ARHGAP35: variants seen among roughly 807,000 people sequenced by gnomAD.
ARHGAP35 encodes the protein Rho GTPase activating protein 35, also known as rho GTPase-activating protein 35.
Under a neutral mutation model 111.1 loss-of-function variants are expected in ARHGAP35, and 15 were observed. The ratio of observed to expected loss-of-function variants is 0.13; its 90% confidence interval spans 0.09 to 0.21. The LOEUF is 0.21. ARHGAP35 is among the 10% of genes least tolerant of loss of function. ARHGAP35 has a pLI of 1.00. For missense variants in ARHGAP35, 1,262 were observed against 1,873.0 expected, an observed-to-expected ratio of 0.67 and a Z score of 6.02; for synonymous variants, 643 against 710.3, an observed-to-expected ratio of 0.91 and a Z score of 1.51.
intron 1 of ARHGAP35, among the ~76,000 whole-genome samples, chr19:46,910,156 A>T (rs1568464974): frequency 1.3e-5 from 2 of 152,194 alleles, no homozygotes. Context: ...ACTGTCACCC[A>T]GGCTACAGTG....
intron 3 of ARHGAP35, among the ~76,000 whole-genome samples, chr19:46,937,986 T>A (rs1251386509): frequency 1.3e-5 from 2 of 152,198 alleles, no homozygotes; most frequent in Non-Finnish European, 2.9e-5. Flanking sequence ...TCTTGGGAAA[T>A]TTTTTTGCAT....
chr19:46,939,372 CATTTATTTATTTATTTATTTATTT>C (rs60855006), intron 3 of ARHGAP35, among the ~76,000 whole-genome samples: 8 of 145,390 alleles, frequency 5.5e-5, no homozygotes, highest in African/African-American at 2.0e-4. Context: ...TGCACCTTTA[CATTTATTTATTTATTTATTTATTT>C]ATTTATTTAT....
rs1388015883 is a variant in ARHGAP35 at position 46,861,016 on chromosome 19, G to C, written c.-382G>C. Among the ~76,000 whole-genome samples, 3 of 150,916 alleles carry C rather than the reference G, an allele frequency of 2.0e-5. No homozygotes were observed. Among genetic ancestry groups the C allele is most frequent in the Non-Finnish European group, 4.5e-5 (3 of 67,402 alleles). On this transcript the variant is annotated 5_prime_UTR_variant, in exon 1 of 7. Coordinates refer to ENST00000672722, the MANE Select transcript of ARHGAP35 (RefSeq NM_004491.5). ...CCCCCCGCCCCGAGGGAGAGCCGCG[G>C]CGCGGCGGCAGGAGGAGGTGGAGGA...
At chr19:46,894,541 G>C (rs1459461182) in intron 1 of ARHGAP35, among the ~76,000 whole-genome samples, 1 of 150,510 alleles carries the variant, frequency 6.6e-6, no homozygotes, top group South Asian at 2.1e-4. Flanking sequence ...TGCCTCCTGG[G>C]TTCAAGCGAT....
intron 1 of ARHGAP35, among the ~76,000 whole-genome samples, chr19:46,889,290 C>A (rs2056011984): frequency 6.6e-6 from 1 of 151,860 alleles, no homozygotes. Flanking sequence ...ATGGTGAAAC[C>A]CTGTCTCTAC....
intron 3 of ARHGAP35, among the ~76,000 whole-genome samples, chr19:46,972,046 G>A (rs1271427847): frequency 1.3e-5 from 2 of 152,208 alleles, no homozygotes; most frequent in African/African-American, 4.8e-5. Context: ...GTCTCGCTCT[G>A]TCACCCAGGC....
At chr19:46,935,925 G>T (rs1355411898) in intron 2 of ARHGAP35, among the ~76,000 whole-genome samples, 9 of 152,132 alleles carry the variant, frequency 5.9e-5, no homozygotes, top group Non-Finnish European at 5.9e-5. Flanking sequence ...ATGAGCATAG[G>T]CTTTGGAGAC....
intron 3 of ARHGAP35, among the ~76,000 whole-genome samples, chr19:46,950,036 C>T (rs953109941): frequency 2.0e-5 from 3 of 152,184 alleles, no homozygotes; most frequent in African/African-American, 7.2e-5. Context: ...AAACAGAAGA[C>T]GGCCACCCCC....
chr19:46,955,040 G>GA (rs1344739499), intron 3 of ARHGAP35, among the ~76,000 whole-genome samples: 2 of 152,142 alleles, frequency 1.3e-5, no homozygotes, highest in African/African-American at 4.8e-5. Flanking sequence ...CTGAGCCTTG[G>GA]ATAGTCTTAG....
At chr19:46,960,686 T>C (rs1315128282) in intron 3 of ARHGAP35, among the ~76,000 whole-genome samples, 1 of 152,198 alleles carries the variant, frequency 6.6e-6, no homozygotes, top group East Asian at 1.9e-4. Flanking sequence ...ATTAAGAGTT[T>C]AAATTGTACC....
chr19:46,990,888 G>A (rs2056675943), intron 5 of ARHGAP35, among the ~76,000 whole-genome samples: 1 of 152,150 alleles, frequency 6.6e-6, no homozygotes, highest in South Asian at 2.1e-4. Flanking sequence ...TTCCTATGGT[G>A]TCTGTTTTCA....
At chr19:46,975,334 T>C (rs1291178347) in intron 3 of ARHGAP35, among the ~76,000 whole-genome samples, 1 of 152,154 alleles carries the variant, frequency 6.6e-6, no homozygotes, top group East Asian at 1.9e-4. Context: ...AAGACCTTGC[T>C]AGTGGGCTTC....
chr19:46,999,377 A>C lies in ARHGAP35; in HGVS notation c.4110A>C (p.Glu1370Asp). The C allele has an allele frequency of 1.3e-6, 2 of 1,591,866 alleles. No individual in the cohort carries two copies. The highest frequency in any genetic ancestry group is 1.7e-6 in the Non-Finnish European group (2 of 1,169,076). The part of the protein sequence containing the change: ...VLKKFPKENH[E>D]VFKYVISHLN... ...AGAAATTTCCAAAGGAAAACCACGA[A>C]GTCTTCAAGTATGTCATCTCTCACC... Residue 1370 changes from glutamate (E) to aspartate (D), a missense_variant, in exon 6 of 7, where the codon GAA becomes GAC. Glu to Asp is a conservative substitution (Grantham distance 45). Around this residue, in one of 8 missense-constraint regions of ARHGAP35, gnomAD observed 50 missense variants for 60.5 expected, o/e 0.83. Coordinates refer to ENST00000672722, the MANE Select transcript of ARHGAP35 (RefSeq NM_004491.5). The surrounding 1 kb of genome is among the most constrained non-coding windows in gnomAD (Gnocchi z 5.4).
chr19:46,970,068 G>A (rs1193499990), intron 3 of ARHGAP35, among the ~76,000 whole-genome samples: 1 of 152,166 alleles, frequency 6.6e-6, no homozygotes, highest in Non-Finnish European at 1.5e-5. Flanking sequence ...ATCTATTGAA[G>A]GAATTAGTGA....
chr19:46,871,502 C>T (rs1314358869), intron 1 of ARHGAP35, among the ~76,000 whole-genome samples: 1 of 152,004 alleles, frequency 6.6e-6, no homozygotes, highest in Non-Finnish European at 1.5e-5. Context: ...GCCACCACGC[C>T]TGGCTAATTT....
intron 1 of ARHGAP35, among the ~76,000 whole-genome samples, chr19:46,878,326 T>A (rs1051375823): frequency 1.3e-5 from 2 of 151,666 alleles, no homozygotes; most frequent in Non-Finnish European, 2.9e-5. Flanking sequence ...CTTGGCCTAA[T>A]TTTTATTTTT....
rs958301047 is a variant in ARHGAP35 at position 46,918,581 on chromosome 19, A to G, written c.-95A>G. The G allele has an allele frequency of 1.0e-5, 13 of 1,305,090 alleles. No homozygotes were observed. Among genetic ancestry groups the G allele is most frequent in the Non-Finnish European group, 1.4e-5 (13 of 932,272 alleles). 80.8% of individuals were successfully genotyped at this position (1,305,090 alleles called of 1,614,324 possible). A position where few individuals can be genotyped will look rare whatever the true frequency, so the allele number is the denominator to read the frequency against. On this transcript the variant is annotated 5_prime_UTR_variant, in exon 2 of 7. Coordinates refer to ENST00000672722, the MANE Select transcript of ARHGAP35 (RefSeq NM_004491.5). This position sits in a 1 kb window ranked among gnomAD's most constrained non-coding sequence, Gnocchi z 5.4. ...GACCTGGCATTTTTGCTGCATGTCC[A>G]GCCCACCCCCACTAATAATGTAGGA...
At chr19:46,898,331 G>C (rs1385747703) in intron 1 of ARHGAP35, among the ~76,000 whole-genome samples, 1 of 150,878 alleles carries the variant, frequency 6.6e-6, no homozygotes, top group South Asian at 2.1e-4. Context: ...ACAAAAACTC[G>C]ATTTAGTCAA....
chr19:46,926,379 G>T lies in ARHGAP35; in HGVS notation c.3681+4023G>T, dbSNP rs1244210604. Among the ~76,000 whole-genome samples the T allele has an allele frequency of 6.6e-6, 1 of 152,186 alleles. No individual in the cohort carries two copies. The highest frequency in any genetic ancestry group is 1.5e-5 in the Non-Finnish European group (1 of 68,028). ...TGCACTTCAGTAGGGTCCATGAATAGTGGCTTTGTCTGTAAAGAGTTGTTG... is the reference window on the plus strand; with the variant it reads ...TGCACTTCAGTAGGGTCCATGAATATTGGCTTTGTCTGTAAAGAGTTGTTG... On this transcript the variant is annotated intron_variant, in intron 2 of 6. Coordinates refer to ENST00000672722, the MANE Select transcript of ARHGAP35 (RefSeq NM_004491.5). The surrounding 1 kb of genome is among the most constrained non-coding windows in gnomAD (Gnocchi z 4.1).
Sources: allele counts gnomAD v4.1 joint callset (sites outside exome capture counted in the v4.1 genomes callset), GRCh38; gene constraint gnomAD v4.1.1; regional missense constraint gnomAD v4.1.1; non-coding constraint Gnocchi (gnomAD v3.1); transcripts MANE v1.5; gene names NCBI Gene and HGNC (gene_info 2026-07-23, HGNC 2026-07-21).